Variants in OPCML observed in about 807,000 individuals in gnomAD.
OPCML encodes opioid-binding protein/cell adhesion molecule.
OPCML carries 13 observed loss-of-function variants against 37.8 expected under a neutral mutation model. The observed-to-expected ratio is 0.34, with a 90% CI of 0.22 to 0.55. OPCML has a LOEUF of 0.55. OPCML is among the 20% of genes least tolerant of loss of function. The pLI is 0.91. For synonymous variants in OPCML, 176 were observed against 168.8 expected (o/e 1.04, Z -0.33); for missense variants, 341 against 435.6 (o/e 0.78, Z 1.93).
intron 7 of OPCML, among the ~76,000 whole-genome samples, chr11:132,420,950 C>T (rs2095956458): frequency 6.6e-6 from 1 of 151,566 alleles, no homozygotes; most frequent in South Asian, 2.1e-4. Context: ...CCTGAAGATT[C>T]CACCCAAGGG....
chr11:132,984,093 G>C (rs1395140810), intron 1 of OPCML, among the ~76,000 whole-genome samples: 1 of 152,092 alleles, frequency 6.6e-6, no homozygotes, highest in Non-Finnish European at 1.5e-5. Context: ...GCTTCCAATG[G>C]GCTTTAGGTT....
At chr11:132,833,778 C>G (rs1311721972) in intron 2 of OPCML, among the ~76,000 whole-genome samples, 1 of 152,134 alleles carries the variant, frequency 6.6e-6, no homozygotes, top group Non-Finnish European at 1.5e-5. Flanking sequence ...TATGGGACCA[C>G]CATTGTATAT....
chr11:133,204,526 G>A (rs1938948947), intron 1 of OPCML, among the ~76,000 whole-genome samples: 1 of 152,168 alleles, frequency 6.6e-6, no homozygotes, highest in South Asian at 2.1e-4. Flanking sequence ...AACTTCACTA[G>A]GCACCTGTGA....
intron 1 of OPCML, among the ~76,000 whole-genome samples, chr11:133,347,799 T>C (rs1253847893): frequency 1.3e-5 from 2 of 152,178 alleles, no homozygotes; most frequent in Non-Finnish European, 2.9e-5. Context: ...GCAATAAATA[T>C]ACTTGGGGGT....
intron 1 of OPCML, among the ~76,000 whole-genome samples, chr11:133,525,247 C>G (rs75706358): frequency 0.032 from 4,924 of 152,218 alleles, 107 homozygotes; most frequent in East Asian, 0.071. Flanking sequence ...AAGCTGAGTT[C>G]TGAAGGATGG....
chr11:132,807,525 G>C (rs1939086857), intron 2 of OPCML, among the ~76,000 whole-genome samples: 1 of 152,184 alleles, frequency 6.6e-6, no homozygotes, highest in African/African-American at 2.4e-5. Flanking sequence ...GTAAATTCTA[G>C]TATTCATTCA....
intron 1 of OPCML, among the ~76,000 whole-genome samples, chr11:133,382,901 A>C (rs906091800): frequency 7.9e-5 from 12 of 152,238 alleles, no homozygotes; most frequent in African/African-American, 2.9e-4. Flanking sequence ...AGCTTTTCTG[A>C]TCCTCAGCTA....
At chr11:133,167,308 AT>A (rs1314718225) in intron 1 of OPCML, among the ~76,000 whole-genome samples, 6 of 152,146 alleles carry the variant, frequency 3.9e-5, no homozygotes, top group African/African-American at 1.4e-4. Context: ...AGGTTGCAGA[AT>A]TTCTGAGAAA....
intron 4 of OPCML, among the ~76,000 whole-genome samples, chr11:132,494,961 A>G (rs1321524775): frequency 1.3e-5 from 2 of 152,076 alleles, no homozygotes; most frequent in East Asian, 3.9e-4. Flanking sequence ...CTCAGACCCT[A>G]CAGGGAATAC....
At chr11:133,008,229 G>A in intron 1 of OPCML, 2 of 985,340 alleles carry the variant, frequency 2.0e-6, no homozygotes, top group Non-Finnish European at 2.4e-6. Flanking sequence ...ACACAGTGTT[G>A]GCCACTTGTG....
At chr11:132,522,882 C>G (rs1270327594) in intron 4 of OPCML, among the ~76,000 whole-genome samples, 3 of 152,216 alleles carry the variant, frequency 2.0e-5, no homozygotes, top group Non-Finnish European at 4.4e-5. Context: ...CTAAAACTTT[C>G]TCTTTAGGAA....
rs147213500 is a variant in OPCML at position 133,514,070 on chromosome 11, C to T, written c.61+18194G>A. On this transcript the variant is annotated intron_variant, in intron 1 of 7. Coordinates refer to ENST00000524381, the MANE Select transcript of OPCML (RefSeq NM_001012393.5). ...GCAAATTATGCAAGATAAAGAGACA[C>T]TTCAAGGCTGGTCACGAAACGAAAA... Among the ~76,000 whole-genome samples, 83 of 152,318 alleles carry T rather than the reference C, an allele frequency of 5.4e-4. 1 individual carries two copies. In the East Asian group the frequency reaches 9.1e-3, roughly 17 times the overall value.
chr11:132,563,962 C>T (rs145992074), intron 3 of OPCML, among the ~76,000 whole-genome samples: 1 of 152,324 alleles, frequency 6.6e-6, no homozygotes, highest in East Asian at 1.9e-4. Context: ...GGACAACACA[C>T]TGGTCAACCA....
At chr11:133,352,652 G>T (rs1723470462) in intron 1 of OPCML, among the ~76,000 whole-genome samples, 1 of 152,178 alleles carries the variant, frequency 6.6e-6, no homozygotes, top group Non-Finnish European at 1.5e-5. Context: ...TACAGCGTAT[G>T]GTGTAGTAGA....
At chr11:133,529,957 CT>C (rs1383853037) in intron 1 of OPCML, among the ~76,000 whole-genome samples, 1 of 152,166 alleles carries the variant, frequency 6.6e-6, no homozygotes, top group Non-Finnish European at 1.5e-5. Context: ...ACTTTTTCTC[CT>C]CCCCGTTCTT....
intron 1 of OPCML, among the ~76,000 whole-genome samples, chr11:132,999,185 T>A (rs927907886): frequency 6.6e-6 from 1 of 152,040 alleles, no homozygotes; most frequent in Non-Finnish European, 1.5e-5. Flanking sequence ...ATCATAGGGA[T>A]GAGCTTTGCC....
intron 1 of OPCML, among the ~76,000 whole-genome samples, chr11:133,425,723 A>AT (rs1328564267): frequency 5.3e-5 from 8 of 152,046 alleles, no homozygotes; most frequent in Admixed American, 6.6e-5. Context: ...AAACTGGGTG[A>AT]TTTTTTCCCT....
At chr11:132,602,984 C>T (rs1591611038) in intron 3 of OPCML, among the ~76,000 whole-genome samples, 1 of 152,346 alleles carries the variant, frequency 6.6e-6, no homozygotes, top group East Asian at 1.9e-4. Flanking sequence ...GACACCTCTG[C>T]TCTGCTTGAG....
At chr11:132,793,276 T>C (rs921231270) in intron 2 of OPCML, among the ~76,000 whole-genome samples, 2 of 151,966 alleles carry the variant, frequency 1.3e-5, no homozygotes, top group Non-Finnish European at 2.9e-5. Context: ...CTGAGGGGAG[T>C]AGGGACATGC....
Sources: allele counts gnomAD v4.1 joint callset (sites outside exome capture counted in the v4.1 genomes callset), GRCh38; gene constraint gnomAD v4.1.1; transcripts MANE v1.5; gene names NCBI Gene and HGNC (gene_info 2026-07-23, HGNC 2026-07-21).